Variants in SORCS3 observed in about 807,000 individuals in gnomAD.
The protein encoded by SORCS3 is VPS10 domain-containing receptor SorCS3.
Under a neutral mutation model 146.3 loss-of-function variants are expected in SORCS3, and 57 were observed. The ratio of observed to expected loss-of-function variants is 0.39; its 90% CI spans 0.31 to 0.49. SORCS3 has a LOEUF of 0.49. SORCS3 is among the 20% of genes least tolerant of loss of function. The pLI, the probability that SORCS3 is intolerant of heterozygous loss-of-function variation, is 0.92. For synonymous variants in SORCS3, 653 were observed against 618.5 expected, an observed-to-expected ratio of 1.06 and a Z score of -0.83; for missense variants, 1,341 against 1,575.5, an observed-to-expected ratio of 0.85 and a Z score of 2.52.
chr10:104,751,924 C>CATATATATATATATAT lies in SORCS3; in HGVS notation c.628-90838_628-90823dup, dbSNP rs71482435. On this transcript the variant is annotated intron_variant, in intron 1 of 26. Coordinates refer to ENST00000369701, the MANE Select transcript of SORCS3 (RefSeq NM_014978.3). ...AAAAAATGTAAATGCTAATAGGAAGCATATATATATATATATATATATATA... is the reference window on the plus strand; with the variant it reads ...AAAAAATGTAAATGCTAATAGGAAGCATATATATATATATATATATATATATATATATATATATATA... 5.7e-4 allele frequency among the ~76,000 whole-genome samples: 22 copies of CATATATATATATATAT among 38,450 alleles called. 3 individuals are homozygous for CATATATATATATATAT. The highest frequency in any genetic ancestry group is 2.2e-3 in the South Asian group (1 of 448). 25.2% of individuals were successfully genotyped at this position (38,450 alleles called of 152,430 possible).
chr10:105,128,844 C>A (rs911121221), intron 7 of SORCS3, among the ~76,000 whole-genome samples: 3 of 152,158 alleles, frequency 2.0e-5, no homozygotes, highest in Non-Finnish European at 4.4e-5. Context: ...GTTTGTAGAG[C>A]ATTTTCTGGT....
intron 6 of SORCS3, among the ~76,000 whole-genome samples, chr10:105,092,608 A>AACACACACACACACACACACAC: frequency 6.8e-6 from 1 of 147,372 alleles, no homozygotes; most frequent in Non-Finnish European, 1.5e-5. Flanking sequence ...TGCATTCACA[A>AACACACACACACACACACACAC]ACACACACAC....
intron 4 of SORCS3, among the ~76,000 whole-genome samples, chr10:105,015,082 C>T (rs1780785512): frequency 6.6e-6 from 1 of 152,170 alleles, no homozygotes; most frequent in Non-Finnish European, 1.5e-5. Flanking sequence ...TAGTAAGGGA[C>T]TATTTATTAC....
rs534014901 is a variant in SORCS3 at position 105,131,977 on chromosome 10, A to T, written c.1213-7420A>T. Among the ~76,000 whole-genome samples the T allele has an allele frequency of 3.9e-5, 6 of 152,254 alleles. No homozygotes were observed. In the South Asian group the frequency reaches 1.2e-3, roughly 32 times the overall value. ...ATCTGATATTTGGGTGTGGACACAC[A>T]TCCAAACTATATCAGTGAACATATT... On this transcript the variant is annotated intron_variant, in intron 7 of 26. Coordinates refer to ENST00000369701, the MANE Select transcript of SORCS3 (RefSeq NM_014978.3).
intron 1 of SORCS3, among the ~76,000 whole-genome samples, chr10:104,775,881 A>G (rs944752448): frequency 7.2e-5 from 11 of 152,352 alleles, no homozygotes; most frequent in African/African-American, 9.6e-5. Context: ...GCAGAGAGGC[A>G]TAGCTACATC....
chr10:105,233,937 G>T (rs1388445494), intron 20 of SORCS3, among the ~76,000 whole-genome samples: 6 of 152,148 alleles, frequency 3.9e-5, no homozygotes, highest in Admixed American at 3.3e-4. Context: ...TAATGGGATT[G>T]CTGGGTCAAA....
chr10:104,912,915 G>A (rs879784972), intron 2 of SORCS3, among the ~76,000 whole-genome samples: 1 of 152,160 alleles, frequency 6.6e-6, no homozygotes, highest in Non-Finnish European at 1.5e-5. Flanking sequence ...GTTGGAATTA[G>A]ATGTTGAGGG....
At chr10:104,904,284 C>T (rs1009081146) in intron 2 of SORCS3, among the ~76,000 whole-genome samples, 2 of 152,040 alleles carry the variant, frequency 1.3e-5, no homozygotes, top group Non-Finnish European at 2.9e-5. Flanking sequence ...ATGATAATGC[C>T]CAATGTTGCA....
At chr10:105,023,803 T>C (rs1175209533) in intron 4 of SORCS3, among the ~76,000 whole-genome samples, 1 of 151,962 alleles carries the variant, frequency 6.6e-6, no homozygotes, top group Non-Finnish European at 1.5e-5. Context: ...GTCTCTGTGG[T>C]TGCTGAGCAA....
chr10:104,769,432 T>C (rs1326965764), intron 1 of SORCS3, among the ~76,000 whole-genome samples: 1 of 152,184 alleles, frequency 6.6e-6, no homozygotes, highest in Non-Finnish European at 1.5e-5. Context: ...ACAGTGAACA[T>C]TCCTACTCCT....
chr10:104,938,538 A>C (rs1483645723), intron 3 of SORCS3, among the ~76,000 whole-genome samples: 1 of 148,400 alleles, frequency 6.7e-6, no homozygotes, highest in African/African-American at 2.6e-5. Flanking sequence ...TTATGCCCAT[A>C]GTATCCTCTT....
chr10:105,182,579 G>C (rs1259491021), intron 14 of SORCS3, among the ~76,000 whole-genome samples: 1 of 152,144 alleles, frequency 6.6e-6, no homozygotes, highest in Non-Finnish European at 1.5e-5. Flanking sequence ...AGTCACAGCA[G>C]ACCTAGTTCT....
intron 2 of SORCS3, among the ~76,000 whole-genome samples, chr10:104,873,433 A>C (rs1044671717): frequency 6.6e-6 from 1 of 152,226 alleles, no homozygotes; most frequent in Non-Finnish European, 1.5e-5. Context: ...GAACACAGGC[A>C]ATCAACAGCC....
intron 2 of SORCS3, among the ~76,000 whole-genome samples, chr10:104,868,444 C>T (rs1441145261): frequency 6.6e-6 from 1 of 152,198 alleles, no homozygotes; most frequent in Non-Finnish European, 1.5e-5. Context: ...GACTACTCGC[C>T]TGCCACGCTT....
At chr10:105,176,979 A>G (rs889091516) in intron 13 of SORCS3, among the ~76,000 whole-genome samples, 9 of 149,738 alleles carry the variant, frequency 6.0e-5, no homozygotes, top group Non-Finnish European at 5.9e-5. Flanking sequence ...GTGTGTGTGT[A>G]TACACACACA....
At chr10:104,775,396 G>C (rs2017297026) in intron 1 of SORCS3, among the ~76,000 whole-genome samples, 1 of 152,174 alleles carries the variant, frequency 6.6e-6, no homozygotes, top group Non-Finnish European at 1.5e-5. Flanking sequence ...TTAGGTGTTA[G>C]GAATGCAAAG....
chr10:104,688,415 G>A (rs2016073815), intron 1 of SORCS3, among the ~76,000 whole-genome samples: 1 of 152,002 alleles, frequency 6.6e-6, no homozygotes, highest in African/African-American at 2.4e-5. Flanking sequence ...CTTAGTGGAT[G>A]CAGAGGGCGT....
chr10:104,898,897 T>G (rs994615017), intron 2 of SORCS3, among the ~76,000 whole-genome samples: 1 of 152,166 alleles, frequency 6.6e-6, no homozygotes, highest in Non-Finnish European at 1.5e-5. Flanking sequence ...TAACATAGTG[T>G]TAAGTCACTG....
chr10:104,675,207 G>A (rs2015899811), intron 1 of SORCS3, among the ~76,000 whole-genome samples: 1 of 152,130 alleles, frequency 6.6e-6, no homozygotes, highest in Admixed American at 6.5e-5. Context: ...CAATTACTGA[G>A]ATGTTGAGCA....
Sources: gnomAD v4.1 joint callset for allele counts (sites outside exome capture counted in the v4.1 genomes callset) on GRCh38, gnomAD v4.1.1 for gene constraint, MANE v1.5 for transcripts, NCBI Gene and HGNC (gene_info 2026-07-23, HGNC 2026-07-21) for gene names.